POU6F2: variants seen among roughly 807,000 people sequenced by gnomAD.
The protein encoded by POU6F2 is POU class 6 homeobox 2, also known as POU domain, class 6, transcription factor 2.
In POU6F2, 31 loss-of-function variants were observed where a neutral mutation model predicts 71.3. That is an observed-to-expected ratio of 0.43 (90% CI 0.33 to 0.59). POU6F2 has a LOEUF of 0.59. Ranked by LOEUF, POU6F2 falls within the 20% of genes least tolerant of loss-of-function variation. POU6F2 has a pLI of 0.04. For missense variants in POU6F2, 783 were observed against 856.8 expected (o/e 0.91, Z 1.07); for synonymous variants, 347 against 355.7 (o/e 0.98, Z 0.27).
chr7:39,436,195 T>C (rs919546344), intron 7 of POU6F2, among the ~76,000 whole-genome samples: 3 of 152,208 alleles, frequency 2.0e-5, no homozygotes, highest in Non-Finnish European at 4.4e-5. Flanking sequence ...TAGCGTTGAA[T>C]CTATAAATTA....
intron 4 of POU6F2, among the ~76,000 whole-genome samples, chr7:39,247,116 A>G (rs1341772062): frequency 6.6e-6 from 1 of 151,892 alleles, no homozygotes; most frequent in Non-Finnish European, 1.5e-5. Context: ...TCCTCCTTGA[A>G]TATTACCATG....
chr7:39,382,492 C>T (rs1038930272), intron 5 of POU6F2, among the ~76,000 whole-genome samples: 2 of 152,176 alleles, frequency 1.3e-5, no homozygotes, highest in Admixed American at 6.5e-5. Flanking sequence ...CCCACCCCAG[C>T]CACGGATCTC....
chr7:39,056,041 G>A (rs1404006242), intron 1 of POU6F2, among the ~76,000 whole-genome samples: 8 of 149,086 alleles, frequency 5.4e-5, no homozygotes, highest in African/African-American at 2.0e-4. Context: ...TATTTGCTTT[G>A]TTTTATTTGC....
intron 2 of POU6F2, among the ~76,000 whole-genome samples, chr7:39,110,970 G>T (rs2128725514): frequency 6.6e-6 from 1 of 152,222 alleles, no homozygotes; most frequent in Non-Finnish European, 1.5e-5. Context: ...GTAAGAAATA[G>T]TATGTCACAG....
intron 9 of POU6F2, among the ~76,000 whole-genome samples, chr7:39,462,862 G>A (rs1788981587): frequency 6.6e-6 from 1 of 152,184 alleles, no homozygotes; most frequent in Admixed American, 6.5e-5. Context: ...GGTTCTGTTT[G>A]TGCTGCTTAT....
chr7:39,077,610 T>C (rs1791026735), intron 1 of POU6F2, among the ~76,000 whole-genome samples: 1 of 152,172 alleles, frequency 6.6e-6, no homozygotes, highest in Admixed American at 6.5e-5. Flanking sequence ...CCTGTGTGGA[T>C]ACTGACAGGA....
intron 5 of POU6F2, among the ~76,000 whole-genome samples, chr7:39,355,865 T>G (rs1043880635): frequency 6.6e-6 from 1 of 151,796 alleles, no homozygotes; most frequent in South Asian, 2.1e-4. Context: ...AAAGAGAAAG[T>G]GAAAGGGAAA....
intron 2 of POU6F2, among the ~76,000 whole-genome samples, chr7:39,149,344 C>CT (rs1397979958): frequency 1.3e-5 from 2 of 152,048 alleles, no homozygotes; most frequent in African/African-American, 2.4e-5. Context: ...CAGAATACTT[C>CT]TTTTTTTAAG....
chr7:39,360,540 ACT>A (rs1468468787), intron 5 of POU6F2, among the ~76,000 whole-genome samples: 1 of 152,176 alleles, frequency 6.6e-6, no homozygotes, highest in African/African-American at 2.4e-5. Flanking sequence ...CACGTAGGGC[ACT>A]CGTTTTGTTA....
rs1415242894 is a variant in POU6F2, at chr7:38,991,847, TCTCTCTCTCTCC to T, written c.105+13799_105+13810del. 6.2e-3 allele frequency among the ~76,000 whole-genome samples: 947 copies of T among 152,144 alleles called. 12 individuals are homozygous for T. The highest frequency in any genetic ancestry group is 0.022 in the African/African-American group (911 of 41,502). On this transcript the variant is annotated intron_variant, in intron 1 of 9. Transcript: ENST00000518318. ...TTTCTTTTCCTTTCACTTCTCTCTC[TCTCTCTCTCTCC>T]CTCTCTCTCACATCTCTATCTTTAT... is the stretch of plus-strand genomic sequence containing the variant.
At chr7:39,127,315 A>C (rs1792159897) in intron 2 of POU6F2, among the ~76,000 whole-genome samples, 1 of 152,106 alleles carries the variant, frequency 6.6e-6, no homozygotes, top group South Asian at 2.1e-4. Flanking sequence ...CTTACCAAAA[A>C]CGTGTCTATT....
At chr7:39,229,734 G>T (rs549554244) in intron 4 of POU6F2, among the ~76,000 whole-genome samples, 24 of 152,318 alleles carry the variant, frequency 1.6e-4, no homozygotes, top group African/African-American at 5.5e-4. Context: ...AAAGAAACAG[G>T]CAGGTATCTC....
chr7:39,216,610 T>C (rs1044887839), intron 4 of POU6F2, among the ~76,000 whole-genome samples: 2 of 152,198 alleles, frequency 1.3e-5, no homozygotes, highest in Non-Finnish European at 2.9e-5. Flanking sequence ...GTTCACTATT[T>C]GTGTTTGTCA....
At position 39,209,480 on chromosome 7, in the gene POU6F2, GTGA is replaced by G. The variant is rs375905809; in HGVS notation, c.598+1864_598+1866del. On this transcript the variant is annotated intron_variant, in intron 4 of 9. Transcript: ENST00000518318. ...AAATTTGACTGACGTTGGAGGGAAG[GTGA>G]TGAGGTTATTAGAATAAATCACCTC... Among the ~76,000 whole-genome samples the G allele has an allele frequency of 1.4e-3, 219 of 152,290 alleles. 2 individuals are homozygous for G. Among genetic ancestry groups the G allele is most frequent in the African/African-American group, 5.0e-3 (209 of 41,548 alleles).
intron 4 of POU6F2, among the ~76,000 whole-genome samples, chr7:39,268,926 T>C (rs1784297598): frequency 6.6e-6 from 1 of 152,222 alleles, no homozygotes. Flanking sequence ...AATCCCATGC[T>C]CCTGGATCCC....
intron 2 of POU6F2, among the ~76,000 whole-genome samples, chr7:39,088,863 A>G (rs1168775569): frequency 2.6e-5 from 4 of 152,226 alleles, no homozygotes; most frequent in Admixed American, 1.3e-4. Context: ...TTTCCCTCAC[A>G]GTATGGTACC....
At chr7:39,128,841 T>C (rs1275482878) in intron 2 of POU6F2, among the ~76,000 whole-genome samples, 3 of 152,190 alleles carry the variant, frequency 2.0e-5, no homozygotes, top group East Asian at 3.8e-4. Flanking sequence ...AAGTTTTCTG[T>C]AGAGTGAAGA....
chr7:39,424,143 A>C (rs949939637), intron 6 of POU6F2, among the ~76,000 whole-genome samples: 2 of 152,154 alleles, frequency 1.3e-5, no homozygotes, highest in Admixed American at 6.5e-5. Context: ...GGTCTCTTTT[A>C]TATGGACACT....
intron 6 of POU6F2, among the ~76,000 whole-genome samples, chr7:39,415,185 A>G (rs1035886569): frequency 3.3e-5 from 5 of 151,812 alleles, no homozygotes; most frequent in African/African-American, 1.2e-4. Context: ...CACCACGCCC[A>G]GCTAATTTTT....
Sources: gnomAD v4.1 joint callset for allele counts (sites outside exome capture counted in the v4.1 genomes callset) on GRCh38, gnomAD v4.1.1 for gene constraint, MANE v1.5 for transcripts, NCBI Gene and HGNC (gene_info 2026-07-23, HGNC 2026-07-21) for gene names.